ATF7IP2: variants seen among roughly 807,000 people sequenced by gnomAD.
The protein encoded by ATF7IP2 is activating transcription factor 7 interacting protein 2, also known as activating transcription factor 7-interacting protein 2.
A neutral mutation model predicts 64.2 loss-of-function variants in ATF7IP2; 42 were observed. That is an observed-to-expected ratio of 0.65 (90% CI 0.51 to 0.85). ATF7IP2 has a LOEUF of 0.85. Ranked by LOEUF, ATF7IP2 falls within the 40% of genes least tolerant of loss-of-function variation. ATF7IP2 has a pLI of 0.00. For synonymous variants in ATF7IP2, 308 were observed against 272.8 expected, an observed-to-expected ratio of 1.13 and a Z score of -1.27; for missense variants, 933 against 784.2, an observed-to-expected ratio of 1.19 and a Z score of -2.27.
intron 1 of ATF7IP2, among the ~76,000 whole-genome samples, chr16:10,406,570 A>G (rs549206626): frequency 2.6e-5 from 4 of 152,338 alleles, no homozygotes; most frequent in African/African-American, 4.8e-5. Flanking sequence ...GCAAACATTT[A>G]TGCAGACTAT....
At chr16:10,457,345 A>G (rs1368215590) in intron 8 of ATF7IP2, 27 bp from the exon 9 acceptor site, 2 of 1,575,802 alleles carry the variant, frequency 1.3e-6, no homozygotes, top group Admixed American at 4.0e-5. Context: ...ATTCCCTTCA[A>G]CTGCTTTTTT....
intron 1 of ATF7IP2, among the ~76,000 whole-genome samples, chr16:10,397,269 A>G (rs1180875997): frequency 6.6e-6 from 1 of 152,124 alleles, no homozygotes; most frequent in Non-Finnish European, 1.5e-5. Context: ...TGATCCCTCC[A>G]GCTTTATTCT....
intron 8 of ATF7IP2, among the ~76,000 whole-genome samples, chr16:10,443,098 G>A (rs945637556): frequency 1.8e-4 from 28 of 152,284 alleles, no homozygotes; most frequent in East Asian, 1.5e-3. Flanking sequence ...TAGAGCGCAA[G>A]TACTGCTCCA....
chr16:10,479,831 AAAC>A (rs1188028287), intron 12 of ATF7IP2, among the ~76,000 whole-genome samples: 1 of 152,106 alleles, frequency 6.6e-6, no homozygotes, highest in Non-Finnish European at 1.5e-5. Context: ...TAAAGTCAGA[AAAC>A]AACAGATGCT....
chr16:10,391,156 CAAAA>C lies in ATF7IP2; in HGVS notation c.-242+5046_-242+5049del, dbSNP rs60844905. 5.7e-5 allele frequency among the ~76,000 whole-genome samples: 8 copies of C among 140,884 alleles called. No homozygotes were observed. The South Asian group carries it at 1.6e-3, about 28-fold the overall frequency. 92.4% of individuals were successfully genotyped at this position (140,884 alleles called of 152,430 possible). The stretch of plus-strand genomic sequence containing the variant: ...TGGGCCACAGAGAGAGACCCTGTCT[CAAAA>C]AAAAAAAAAAATGTGCTGGGCGTGG... On this transcript the variant is annotated intron_variant, in intron 1 of 13. Coordinates refer to ENST00000562102, the MANE Select transcript of ATF7IP2 (RefSeq NM_001393719.1).
At chr16:10,445,530 G>A (rs1041035545) in intron 8 of ATF7IP2, 1 of 152,030 alleles carries the variant, frequency 6.6e-6, no homozygotes, top group Non-Finnish European at 1.5e-5. Flanking sequence ...TTGAGACAGG[G>A]CTTTACTCTT....
chr16:10,408,921 A>G (rs1025834431), intron 1 of ATF7IP2, among the ~76,000 whole-genome samples: 4 of 152,176 alleles, frequency 2.6e-5, no homozygotes, highest in East Asian at 1.9e-4. Flanking sequence ...GCCTAAGTCA[A>G]TGTCTATGTT....
At chr16:10,466,210 T>C (rs1013503195) in intron 9 of ATF7IP2, among the ~76,000 whole-genome samples, 3 of 152,256 alleles carry the variant, frequency 2.0e-5, no homozygotes, top group Non-Finnish European at 4.4e-5. Context: ...CTATATAATA[T>C]CATATGAATA....
At chr16:10,440,483 A>C (rs1267279611) in intron 8 of ATF7IP2, 21 bp downstream of exon 8, 2 of 1,273,186 alleles carry the variant, frequency 1.6e-6, no homozygotes, top group Non-Finnish European at 2.2e-6. Flanking sequence ...ACACACAGGA[A>C]TTGTAATCAT....
chr16:10,458,656 C>T (rs1375988845), intron 9 of ATF7IP2, among the ~76,000 whole-genome samples: 1 of 152,126 alleles, frequency 6.6e-6, no homozygotes, highest in Non-Finnish European at 1.5e-5. Context: ...CAGCTTGAAG[C>T]AAACTCTTCC....
chr16:10,475,445 A>T (rs2049967065), intron 12 of ATF7IP2, among the ~76,000 whole-genome samples: 3 of 152,200 alleles, frequency 2.0e-5, no homozygotes. Context: ...TAATCCCAGC[A>T]CTTTGGGAGG....
chr16:10,406,443 A>G (rs2141792784), intron 1 of ATF7IP2, among the ~76,000 whole-genome samples: 1 of 152,304 alleles, frequency 6.6e-6, no homozygotes, highest in Non-Finnish European at 1.5e-5. Context: ...ATCTTAAAGA[A>G]CTAGAAAAGC....
intron 1 of ATF7IP2, among the ~76,000 whole-genome samples, chr16:10,400,980 G>A (rs544023320): frequency 6.6e-6 from 1 of 152,034 alleles, no homozygotes; most frequent in African/African-American, 2.4e-5. Flanking sequence ...GGGAATATAG[G>A]TATGAGCCAC....
chr16:10,440,484 T>C, intron 8 of ATF7IP2, 22 bp downstream of exon 8: 1 of 1,275,358 alleles, frequency 7.8e-7, no homozygotes, highest in Non-Finnish European at 1.1e-6. Flanking sequence ...CACACAGGAA[T>C]TGTAATCATC....
chr16:10,447,741 A>G (rs1170501065), intron 8 of ATF7IP2: 1 of 152,244 alleles, frequency 6.6e-6, no homozygotes, highest in East Asian at 1.9e-4. Context: ...CTAACAACTT[A>G]AAGTAAGGCA....
intron 13 of ATF7IP2, 99 bp from the exon 14 acceptor site, chr16:10,481,737 T>TATTA (rs1406778005): frequency 9.3e-7 from 1 of 1,069,758 alleles, no homozygotes; most frequent in East Asian, 2.6e-5. Context: ...AATATCCTTT[T>TATTA]ATTATTTTGA....
At chr16:10,467,315 A>G (rs545807412) in intron 9 of ATF7IP2, among the ~76,000 whole-genome samples, 1 of 152,276 alleles carries the variant, frequency 6.6e-6, no homozygotes, top group African/African-American at 2.4e-5. Context: ...AGTTTCTTAT[A>G]CTCTCAAATA....
At chr16:10,458,129 C>T (rs2049246246) in intron 9 of ATF7IP2, among the ~76,000 whole-genome samples, 1 of 152,206 alleles carries the variant, frequency 6.6e-6, no homozygotes, top group South Asian at 2.1e-4. Flanking sequence ...CAAGGAGGCT[C>T]TAAAGCAAAG....
In ATF7IP2 at chr16:10,433,538, G is replaced by C. The variant is rs373265497; in HGVS notation, c.849G>C (p.Lys283Asn). 8 of 1,612,564 alleles carry C rather than the reference G, an allele frequency of 5.0e-6. No individual in the cohort carries two copies. Among genetic ancestry groups the C allele is most frequent in the African/African-American group, 2.7e-5 (2 of 74,864 alleles). ...GATCTCCTCAAGGCCATTATCAAAA[G>C]AAGAGGATGTTTTCAGAAAACGAGG... ...LDTNNNSHYQKKRMFSENEEN... is the reference protein window; with the variant it reads ...LDTNNNSHYQNKRMFSENEEN... The change falls in exon 6 of 14, where the codon AAG (lysine) becomes AAC (asparagine). Residue 283 changes from lysine to asparagine, a missense_variant. Transcript: ENST00000562102.
Sources: gnomAD v4.1 joint callset for allele counts (sites outside exome capture counted in the v4.1 genomes callset) on GRCh38, gnomAD v4.1.1 for gene constraint, MANE v1.5 for transcripts, NCBI Gene and HGNC (gene_info 2026-07-23, HGNC 2026-07-21) for gene names.